The following ANKRD39 variants were observed in gnomAD, a reference collection of about 807,000 sequenced individuals.
ANKRD39 encodes ankyrin repeat domain 39.
Under a neutral mutation model 20.3 loss-of-function variants are expected in ANKRD39, and 18 were observed. The observed-to-expected ratio is 0.89, with a 90% CI of 0.61 to 1.32. The LOEUF is 1.32. ANKRD39 is among the 40% of genes most tolerant of loss of function. The pLI is 0.00. For synonymous variants in ANKRD39, 106 were observed against 111.9 expected, an observed-to-expected ratio of 0.95 and a Z score of 0.33; for missense variants, 243 against 250.7, an observed-to-expected ratio of 0.97 and a Z score of 0.21.
intron 2 of ANKRD39, 108 bp downstream of exon 2, chr2:96,854,230 A>G: frequency 4.3e-6 from 5 of 1,152,352 alleles, no homozygotes; most frequent in Non-Finnish European, 6.1e-6. Flanking sequence ...GGAAGAGAAG[A>G]AAGGGAGGGA....
intron 3 of ANKRD39, among the ~76,000 whole-genome samples, chr2:96,850,050 C>A (rs1040205861): frequency 6.6e-6 from 1 of 152,224 alleles, no homozygotes; most frequent in Admixed American, 6.5e-5. Context: ...ACAGGGCTAA[C>A]GTGTCCACCT....
chr2:96,857,596 A>C (rs1482867833), intron 1 of ANKRD39, among the ~76,000 whole-genome samples: 3 of 152,218 alleles, frequency 2.0e-5, no homozygotes, highest in Non-Finnish European at 4.4e-5. Context: ...ACACCTGAGC[A>C]GGCTTGTGTC....
intron 3 of ANKRD39, among the ~76,000 whole-genome samples, chr2:96,848,648 C>T (rs111987165): frequency 2.6e-5 from 4 of 152,086 alleles, no homozygotes; most frequent in African/African-American, 7.2e-5. Context: ...TGGTGAAACC[C>T]CATCTCTACT....
intron 3 of ANKRD39, among the ~76,000 whole-genome samples, chr2:96,852,494 G>GA (rs1194093547): frequency 2.4e-3 from 216 of 91,788 alleles, no homozygotes; most frequent in African/African-American, 4.2e-3. Flanking sequence ...GAGGGGTGGG[G>GA]AAAAAAGACA....
intron 3 of ANKRD39, among the ~76,000 whole-genome samples, chr2:96,850,744 T>C (rs899370159): frequency 1.3e-5 from 2 of 151,978 alleles, no homozygotes; most frequent in African/African-American, 4.8e-5. Flanking sequence ...TTGCATTATC[T>C]GCATGAGAGA....
intron 3 of ANKRD39, among the ~76,000 whole-genome samples, chr2:96,852,652 C>T (rs1054388432): frequency 1.3e-5 from 2 of 151,954 alleles, no homozygotes; most frequent in Admixed American, 1.3e-4. Flanking sequence ...TTTAAACAAT[C>T]GCTCCAGGAG....
intron 2 of ANKRD39, 32 bp downstream of exon 2, chr2:96,854,306 G>A (rs765684528): frequency 1.2e-6 from 2 of 1,602,154 alleles, no homozygotes; most frequent in Non-Finnish European, 1.7e-6. Flanking sequence ...TAACGCTTCT[G>A]TCTCCTGACC....
Position 96,854,577 on chromosome 2 carries a change from T to A in ANKRD39, c.101-136A>T, listed in dbSNP as rs544108112. 111 of 833,050 alleles carry A rather than the reference T, an allele frequency of 1.3e-4. No homozygotes were observed. The African/African-American group carries it at 1.7e-3, about 13-fold the overall frequency. The allele number at this position is 833,050 out of a possible 1,614,324, so 51.6% of individuals were successfully genotyped here. ...CAACAAATATCAACCGAGCACCTCC[T>A]CTGTGTCAAGGTTTGTTCTGAATGC... is the stretch of plus-strand genomic sequence containing the variant. On this transcript the variant is annotated intron_variant, in intron 1 of 3. Transcript: ENST00000393537.
At chr2:96,854,515 G>A (rs2079853958) in intron 1 of ANKRD39, 74 bp from the exon 2 acceptor site, 1 of 1,375,114 alleles carries the variant, frequency 7.3e-7, no homozygotes, top group Non-Finnish European at 1.0e-6. Flanking sequence ...CTTGACCTCA[G>A]TTTTCTTGTC....
At chr2:96,854,201 TA>T (rs2079852224) in intron 2 of ANKRD39, 136 bp downstream of exon 2, 7 of 894,504 alleles carry the variant, frequency 7.8e-6, no homozygotes, top group Non-Finnish European at 1.0e-5. Flanking sequence ...ATATGATGCT[TA>T]AAAAGAGAAA....
At chr2:96,851,472 A>C (rs2153359723) in intron 3 of ANKRD39, among the ~76,000 whole-genome samples, 1 of 152,146 alleles carries the variant, frequency 6.6e-6, no homozygotes, top group Admixed American at 6.5e-5. Flanking sequence ...TTGTATTGTT[A>C]GTAGAGATGG....
chr2:96,854,906 G>A (rs1349971623), intron 1 of ANKRD39, among the ~76,000 whole-genome samples: 2 of 152,182 alleles, frequency 1.3e-5, no homozygotes, highest in African/African-American at 2.4e-5. Context: ...TTACAGGCGT[G>A]AGCCACCGTG....
chr2:96,856,109 T>C (rs906225629), intron 1 of ANKRD39, among the ~76,000 whole-genome samples: 5 of 152,232 alleles, frequency 3.3e-5, no homozygotes, highest in African/African-American at 1.2e-4. Context: ...ACTCTTCCCA[T>C]TAATGTTTTA....
At chr2:96,857,547 G>A (rs1005198931) in intron 1 of ANKRD39, among the ~76,000 whole-genome samples, 1 of 152,252 alleles carries the variant, frequency 6.6e-6, no homozygotes, top group Non-Finnish European at 1.5e-5. Context: ...TGGGTGCAAT[G>A]CCCCTGGTGC....
chr2:96,850,684 A>C (rs1234941853), intron 3 of ANKRD39, among the ~76,000 whole-genome samples: 2 of 152,036 alleles, frequency 1.3e-5, no homozygotes, highest in Non-Finnish European at 2.9e-5. Flanking sequence ...AACAAAACAA[A>C]AAAAAAAACA....
At chr2:96,851,064 G>A (rs2079834705) in intron 3 of ANKRD39, among the ~76,000 whole-genome samples, 1 of 152,178 alleles carries the variant, frequency 6.6e-6, no homozygotes, top group South Asian at 2.1e-4. Context: ...TGTGATCTCA[G>A]TTCACTGGAG....
At chr2:96,848,872 T>A (rs2079823458) in intron 3 of ANKRD39, among the ~76,000 whole-genome samples, 1 of 152,176 alleles carries the variant, frequency 6.6e-6, no homozygotes, top group Non-Finnish European at 1.5e-5. Flanking sequence ...AGTAGATTTC[T>A]TCTAATTCCT....
Position 96,848,251 on chromosome 2 carries a change from G to C in ANKRD39, c.*50C>G. On this transcript the variant is annotated 3_prime_UTR_variant, in exon 4 of 4. Transcript: ENST00000393537. The stretch of plus-strand genomic sequence containing the variant: ...GGATGCTGACCAAGGCAGGGGCTTG[G>C]AGAACTGGTCTGTGTACCCTTTAAA... 1 of 1,600,384 alleles carries C rather than the reference G, an allele frequency of 6.2e-7. No individual in the cohort carries two copies. Among genetic ancestry groups the C allele is most frequent in the Non-Finnish European group, 8.5e-7 (1 of 1,170,328 alleles).
chr2:96,857,976 A>AGGCGTCGCCATCCCGGCCCC lies in ANKRD39; in HGVS notation c.-9_11dup (p.Arg5GlyfsTer43), dbSNP rs1559026689. 4 of 1,539,886 alleles carry AGGCGTCGCCATCCCGGCCCC rather than the reference A, an allele frequency of 2.6e-6. No homozygotes were observed. Among genetic ancestry groups the AGGCGTCGCCATCCCGGCCCC allele is most frequent in the Non-Finnish European group, 2.6e-6 (3 of 1,150,744 alleles). ...AGCAGGGCCCGTCCGCGCAGGGCCG[A>AGGCGTCGCCATCCCGGCCCC]GGCGTCGCCATCCCGGCCCCGGCGT... On this transcript the variant is annotated frameshift_variant, in exon 1 of 4. Coordinates refer to ENST00000393537, the MANE Select transcript of ANKRD39 (RefSeq NM_016466.6). LOFTEE classifies it high-confidence loss of function.
Sources: gnomAD v4.1 joint callset for allele counts (sites outside exome capture counted in the v4.1 genomes callset) on GRCh38, gnomAD v4.1.1 for gene constraint, MANE v1.5 for transcripts, NCBI Gene and HGNC (gene_info 2026-07-23, HGNC 2026-07-21) for gene names.